The following TENM3 variants were observed in gnomAD, a reference collection of about 807,000 sequenced individuals.
TENM3 encodes teneurin-3.
In TENM3, 63 loss-of-function variants were observed where a neutral mutation model predicts 255.1. The observed-to-expected ratio is 0.25, with a 90% confidence interval of 0.20 to 0.30. The LOEUF (loss-of-function observed/expected upper bound fraction) is 0.30. Among genes scored for constraint, TENM3 ranks in the 10% least tolerant of loss-of-function variants. The pLI is 1.00. For missense variants in TENM3, 2,929 were observed against 3,461.1 expected (o/e 0.85, Z 3.86); for synonymous variants, 1,306 against 1,322.3 (o/e 0.99, Z 0.27).
At chr4:182,037,334 A>T in the TENM3 span, among the ~76,000 whole-genome samples, 2 of 152,060 alleles carry the variant, frequency 1.3e-5, no homozygotes, top group African/African-American at 4.8e-5. Context: ...TTTTTAGTAG[A>T]GACGGGTTTC....
At chr4:182,343,705 T>A (rs564542162) in intron 2 of TENM3, among the ~76,000 whole-genome samples, 1 of 133,938 alleles carries the variant, frequency 7.5e-6, no homozygotes, top group Admixed American at 8.6e-5. Context: ...CCATCTTCCC[T>A]GCACTGGTCA....
chr4:182,609,494 G>A (rs906654888), intron 4 of TENM3, among the ~76,000 whole-genome samples: 2 of 152,164 alleles, frequency 1.3e-5, no homozygotes, highest in Non-Finnish European at 2.9e-5. Context: ...TCTTGGACAT[G>A]CAATTAACCA....
intron 3 of TENM3, among the ~76,000 whole-genome samples, chr4:182,350,614 G>C (rs1765104574): frequency 6.6e-6 from 1 of 152,194 alleles, no homozygotes; most frequent in African/African-American, 2.4e-5. Flanking sequence ...GGATACCCCA[G>C]TAAAAGGTAG....
At chr4:182,157,914 A>G (rs181211788) in intron 1 of TENM3, among the ~76,000 whole-genome samples, 1 of 152,332 alleles carries the variant, frequency 6.6e-6, no homozygotes, top group Admixed American at 6.5e-5. Context: ...AAATTTTCAC[A>G]TCTACCAAGA....
the TENM3 span, among the ~76,000 whole-genome samples, chr4:182,094,385 A>G: frequency 6.6e-6 from 1 of 152,000 alleles, no homozygotes; most frequent in East Asian, 1.9e-4. Flanking sequence ...AGCTGGGATT[A>G]TAAGCACACG....
At chr4:181,567,005 C>T in the TENM3 span, among the ~76,000 whole-genome samples, 1 of 152,142 alleles carries the variant, frequency 6.6e-6, no homozygotes, top group African/African-American at 2.4e-5. Flanking sequence ...CAGAGCTTAC[C>T]TGGGCATGAA....
At chr4:181,888,494 G>GTACATATA in the TENM3 span, among the ~76,000 whole-genome samples, 2 of 28,242 alleles carry the variant, frequency 7.1e-5, no homozygotes, top group Non-Finnish European at 1.2e-4. Context: ...ATAGAAATGT[G>GTACATATA]TATATATATA....
At position 182,345,669 on chromosome 4, in the gene TENM3, G is replaced by A. The variant is rs149322612; in HGVS notation, c.233-982G>A. Among the ~76,000 whole-genome samples, 856 of 152,212 alleles carry A rather than the reference G, an allele frequency of 5.6e-3. 10 individuals carry two copies. Among genetic ancestry groups the A allele is most frequent in the African/African-American group, 0.015 (639 of 41,540 alleles). ...CTTCTCATCCATAGTAGTATAAAAC[G>A]TGAAATTTCCAGAATAAATACAGGA... is the stretch of plus-strand genomic sequence containing the variant. On this transcript the variant is annotated intron_variant, in intron 2 of 27. Transcript: ENST00000511685.
chr4:182,437,164 A>G (rs2151228774), intron 3 of TENM3, among the ~76,000 whole-genome samples: 1 of 152,380 alleles, frequency 6.6e-6, no homozygotes. Context: ...AATAAAGACA[A>G]AAATAGCTGT....
At chr4:182,244,164 G>A (rs184540342) in intron 1 of TENM3, among the ~76,000 whole-genome samples, 4,323 of 149,048 alleles carry the variant, frequency 0.029, 67 homozygotes, top group Non-Finnish European at 0.039. Flanking sequence ...CATTTTAGCC[G>A]GGATGGTCTC....
chr4:182,508,222 T>A (rs1205510885), intron 3 of TENM3, among the ~76,000 whole-genome samples: 1 of 152,230 alleles, frequency 6.6e-6, no homozygotes, highest in Non-Finnish European at 1.5e-5. Context: ...CCATCATTAT[T>A]GTTGTTATTG....
At chr4:181,631,981 T>A in the TENM3 span, among the ~76,000 whole-genome samples, 3 of 151,802 alleles carry the variant, frequency 2.0e-5, no homozygotes, top group African/African-American at 7.3e-5. Context: ...ATGCCATGAG[T>A]TTTTTAGAGT....
chr4:181,473,826 A>G, the TENM3 span, among the ~76,000 whole-genome samples: 1 of 85,758 alleles, frequency 1.2e-5, no homozygotes. Context: ...TGCAGTATAT[A>G]TGTATACTGT....
chr4:182,756,463 G>C (rs539240091), intron 22 of TENM3, among the ~76,000 whole-genome samples: 1 of 152,122 alleles, frequency 6.6e-6, no homozygotes, highest in African/African-American at 2.4e-5. Context: ...CACTTGACTC[G>C]GTTGTACAAG....
intron 3 of TENM3, among the ~76,000 whole-genome samples, chr4:182,521,501 G>T (rs1738569244): frequency 6.6e-6 from 1 of 152,186 alleles, no homozygotes; most frequent in African/African-American, 2.4e-5. Context: ...TGTCTCCACA[G>T]GTTGGCTGCA....
the TENM3 span, among the ~76,000 whole-genome samples, chr4:181,736,774 AC>A: frequency 6.6e-6 from 1 of 151,506 alleles, no homozygotes; most frequent in Non-Finnish European, 1.5e-5. Context: ...CTGTTTCATA[AC>A]CCCCCAGTTC....
intron 3 of TENM3, among the ~76,000 whole-genome samples, chr4:182,572,890 C>T (rs545609617): frequency 1.3e-5 from 2 of 152,250 alleles, no homozygotes; most frequent in Admixed American, 1.3e-4. Flanking sequence ...AGGTCACAGA[C>T]TCAGGCTGGC....
chr4:182,327,153 T>C (rs1289772792), intron 2 of TENM3, among the ~76,000 whole-genome samples: 5 of 152,210 alleles, frequency 3.3e-5, no homozygotes, highest in African/African-American at 1.2e-4. Context: ...TGTCAATTTT[T>C]TCTCACGGAC....
At chr4:181,973,960 G>T in the TENM3 span, among the ~76,000 whole-genome samples, 2 of 152,182 alleles carry the variant, frequency 1.3e-5, no homozygotes, top group Admixed American at 6.5e-5. Flanking sequence ...ACCGGCAGGG[G>T]TAGGCTGGGA....
Sources: allele counts gnomAD v4.1 joint callset (sites outside exome capture counted in the v4.1 genomes callset), GRCh38; gene constraint gnomAD v4.1.1; transcripts MANE v1.5; gene names NCBI Gene and HGNC (gene_info 2026-07-23, HGNC 2026-07-21).